RABGAP1L: variants seen among roughly 807,000 people sequenced by gnomAD.
The protein encoded by RABGAP1L is RAB GTPase activating protein 1 like.
A neutral mutation model predicts 137.7 loss-of-function variants in RABGAP1L; 63 were observed. That is an observed-to-expected ratio of 0.46 (90% CI 0.37 to 0.56). The LOEUF is 0.56. RABGAP1L is among the 20% of genes least tolerant of loss of function. The pLI, the probability that RABGAP1L is intolerant of heterozygous loss-of-function variation, is 0.00. For missense variants in RABGAP1L, 1,095 were observed against 1,244.0 expected (o/e 0.88, Z 1.80); for synonymous variants, 431 against 433.7 (o/e 0.99, Z 0.08).
intron 20 of RABGAP1L, among the ~76,000 whole-genome samples, chr1:174,964,157 C>G (rs530564466): frequency 6.6e-6 from 1 of 152,276 alleles, no homozygotes; most frequent in Admixed American, 6.5e-5. Flanking sequence ...TAGCTGTCAA[C>G]TCTTTTAAAA....
chr1:174,657,545 T>A (rs1676053233), intron 14 of RABGAP1L, among the ~76,000 whole-genome samples: 1 of 152,180 alleles, frequency 6.6e-6, no homozygotes, highest in Non-Finnish European at 1.5e-5. Context: ...ATGTCCTCCT[T>A]TTTCATGTTG....
At chr1:174,442,099 C>A (rs1654226135) in intron 13 of RABGAP1L, among the ~76,000 whole-genome samples, 1 of 151,934 alleles carries the variant, frequency 6.6e-6, no homozygotes, top group Non-Finnish European at 1.5e-5. Flanking sequence ...AAAACTGCTT[C>A]AAATATGTGT....
Position 174,849,750 on chromosome 1 carries a change from T to G in RABGAP1L, c.2340+37790T>G, listed in dbSNP as rs188760555. On this transcript the variant is annotated intron_variant, in intron 19 of 25. Coordinates refer to ENST00000681986, the MANE Select transcript of RABGAP1L (RefSeq NM_001366446.1). ...ATCTTTCTGTTCTAAATGGTATTCT[T>G]GGGCTATTTTCTCAGCAGTTCATGT... 4.9e-5 allele frequency: 24 copies of G among 490,388 alleles called. No individual in the cohort carries two copies. The East Asian group carries it at 1.1e-3, about 22-fold the overall frequency. 30.4% of individuals were successfully genotyped at this position (490,388 alleles called of 1,614,324 possible).
At chr1:174,601,605 C>G (rs955321758) in intron 13 of RABGAP1L, among the ~76,000 whole-genome samples, 1 of 152,074 alleles carries the variant, frequency 6.6e-6, no homozygotes, top group Non-Finnish European at 1.5e-5. Flanking sequence ...TGTAACAAAC[C>G]TGCACATTGT....
chr1:174,408,223 A>T (rs11810824), intron 13 of RABGAP1L, among the ~76,000 whole-genome samples: 1 of 151,922 alleles, frequency 6.6e-6, no homozygotes, highest in African/African-American at 2.4e-5. Flanking sequence ...TGTCTCCTTC[A>T]GCCTTCTGTT....
At chr1:174,295,854 C>T (rs1401696130) in intron 10 of RABGAP1L, among the ~76,000 whole-genome samples, 2 of 152,038 alleles carry the variant, frequency 1.3e-5, no homozygotes, top group Non-Finnish European at 1.5e-5. Context: ...GTGTGACTCC[C>T]AGGTAGAGAT....
chr1:174,462,847 G>A (rs1238287077), intron 13 of RABGAP1L, among the ~76,000 whole-genome samples: 1 of 152,048 alleles, frequency 6.6e-6, no homozygotes, highest in East Asian at 1.9e-4. Context: ...CTGAGAACAG[G>A]AACAGATGCT....
intron 13 of RABGAP1L, among the ~76,000 whole-genome samples, chr1:174,446,696 G>C (rs2149245930): frequency 6.6e-6 from 1 of 152,196 alleles, no homozygotes; most frequent in South Asian, 2.1e-4. Context: ...TGTGTTAATT[G>C]AGCACTTGCT....
intron 11 of RABGAP1L, among the ~76,000 whole-genome samples, chr1:174,347,499 G>GTGTT (rs1435752550): frequency 4.0e-4 from 53 of 131,000 alleles, no homozygotes; most frequent in Middle Eastern, 4.3e-3. Flanking sequence ...GTGTGTGTGT[G>GTGTT]TTTTTTTCTT....
At chr1:174,841,393 T>C (rs1458133703) in intron 19 of RABGAP1L, among the ~76,000 whole-genome samples, 1 of 152,028 alleles carries the variant, frequency 6.6e-6, no homozygotes, top group Non-Finnish European at 1.5e-5. Flanking sequence ...AAACAAGTTA[T>C]AGAAAATCTA....
intron 19 of RABGAP1L, among the ~76,000 whole-genome samples, chr1:174,837,794 T>C (rs1197151627): frequency 6.6e-6 from 1 of 152,210 alleles, no homozygotes; most frequent in African/African-American, 2.4e-5. Context: ...TCCCATTTTA[T>C]ATGATGATAA....
chr1:174,381,302 G>A (rs985826711), intron 12 of RABGAP1L, among the ~76,000 whole-genome samples: 63 of 146,676 alleles, frequency 4.3e-4, no homozygotes, highest in African/African-American at 1.6e-3. Context: ...ATGTCTATTA[G>A]GTCCACTTGG....
At chr1:174,169,366 A>G (rs1042507103) in intron 1 of RABGAP1L, among the ~76,000 whole-genome samples, 1 of 151,956 alleles carries the variant, frequency 6.6e-6, no homozygotes, top group Non-Finnish European at 1.5e-5. Context: ...AGCTGGGACC[A>G]CAGGCACGTG....
chr1:174,631,386 A>G (rs1284025920), intron 13 of RABGAP1L, among the ~76,000 whole-genome samples: 1 of 131,264 alleles, frequency 7.6e-6, no homozygotes, highest in East Asian at 2.0e-4. Flanking sequence ...TGGGGTGGAG[A>G]GTTCTGTAGA....
chr1:174,353,777 A>G (rs1172497168), intron 11 of RABGAP1L, among the ~76,000 whole-genome samples: 2 of 152,190 alleles, frequency 1.3e-5, no homozygotes, highest in African/African-American at 4.8e-5. Context: ...TGCAACACAC[A>G]GGCACTATCC....
chr1:174,893,704 C>G (rs1656649019), intron 19 of RABGAP1L, among the ~76,000 whole-genome samples: 1 of 152,148 alleles, frequency 6.6e-6, no homozygotes, highest in Non-Finnish European at 1.5e-5. Context: ...GCAGGTACTT[C>G]CTAATCAGGA....
At chr1:174,610,549 T>C (rs1671139034) in intron 13 of RABGAP1L, among the ~76,000 whole-genome samples, 1 of 152,162 alleles carries the variant, frequency 6.6e-6, no homozygotes, top group African/African-American at 2.4e-5. Context: ...GCATGATTTA[T>C]AGTCCTTTGG....
intron 13 of RABGAP1L, among the ~76,000 whole-genome samples, chr1:174,453,056 G>C (rs761478241): frequency 6.6e-6 from 1 of 152,078 alleles, no homozygotes; most frequent in Non-Finnish European, 1.5e-5. Context: ...CTGAAAGCTC[G>C]TTTCCCAGGA....
intron 10 of RABGAP1L, among the ~76,000 whole-genome samples, chr1:174,301,805 T>C (rs1188188044): frequency 1.3e-5 from 2 of 152,162 alleles, no homozygotes; most frequent in African/African-American, 4.8e-5. Flanking sequence ...AAGTTGGGCA[T>C]GACAGTGTAA....
Sources: allele counts gnomAD v4.1 joint callset (sites outside exome capture counted in the v4.1 genomes callset), GRCh38; gene constraint gnomAD v4.1.1; transcripts MANE v1.5; gene names NCBI Gene and HGNC (gene_info 2026-07-23, HGNC 2026-07-21).